The following COL12A1 variants were observed in gnomAD, a reference collection of about 807,000 sequenced individuals.
COL12A1 encodes the protein collagen alpha-1(XII) chain.
In COL12A1, 114 loss-of-function variants were observed where a neutral mutation model predicts 349.7. The observed-to-expected ratio is 0.33, with a 90% CI of 0.28 to 0.38. The LOEUF (loss-of-function observed/expected upper bound fraction) is 0.38, where lower values mean the gene tolerates loss of function less well. Among genes scored for constraint, COL12A1 ranks in the 10% least tolerant of loss-of-function variants. The pLI is 1.00. For synonymous variants in COL12A1, 1,369 were observed against 1,329.0 expected (o/e 1.03, Z -0.66); for missense variants, 3,284 against 3,756.9 (o/e 0.87, Z 3.29).
intron 2 of COL12A1, among the ~76,000 whole-genome samples, chr6:75,199,265 G>A (rs1459147888): frequency 6.6e-6 from 1 of 152,108 alleles, no homozygotes; most frequent in Non-Finnish European, 1.5e-5. Flanking sequence ...AAGTGATTCA[G>A]CCTCTCTGGG....
chr6:75,129,595 G>A (rs1011390800), intron 37 of COL12A1, among the ~76,000 whole-genome samples: 3 of 152,122 alleles, frequency 2.0e-5, no homozygotes, highest in African/African-American at 7.2e-5. Context: ...AAGCTAATAG[G>A]AGAGTATTTA....
At chr6:75,086,692 T>C (rs1196015867) in intron 65 of COL12A1, 135 bp from the exon 66 acceptor site, 1 of 350,992 alleles carries the variant, frequency 2.8e-6, no homozygotes, top group African/African-American at 2.3e-5. Context: ...TTTTAGTTAT[T>C]CTCACATCCC....
At chr6:75,185,502 A>G (rs1006713697) in intron 8 of COL12A1, among the ~76,000 whole-genome samples, 25 of 152,360 alleles carry the variant, frequency 1.6e-4, no homozygotes, top group African/African-American at 5.5e-4. Context: ...TTTCATGCTC[A>G]TAGATAGAAA....
intron 14 of COL12A1, among the ~76,000 whole-genome samples, chr6:75,157,920 A>T (rs1767840646): frequency 6.6e-6 from 1 of 152,154 alleles, no homozygotes; most frequent in African/African-American, 2.4e-5. Flanking sequence ...TGATTGTCTC[A>T]ATAATGGGGC....
At chr6:75,133,001 G>T (rs571702124) in intron 34 of COL12A1, among the ~76,000 whole-genome samples, 5 of 152,274 alleles carry the variant, frequency 3.3e-5, no homozygotes, top group African/African-American at 1.2e-4. Context: ...AAAGCAGAAA[G>T]CAAAGCTCAA....
chr6:75,184,186 G>A (rs758208912), intron 8 of COL12A1, 42 bp from the exon 9 acceptor site: 43 of 1,576,088 alleles, frequency 2.7e-5, no homozygotes, highest in Admixed American at 8.6e-5. Flanking sequence ...ACAGTGAGAT[G>A]TAACCTTACT....
chr6:75,116,120 A>C, intron 47 of COL12A1, 63 bp from the exon 48 acceptor site: 1 of 1,469,494 alleles, frequency 6.8e-7, no homozygotes. Flanking sequence ...ATATATGCAC[A>C]GAAAGTAGCA....
Position 75,091,524 on chromosome 6 carries a change from C to G in COL12A1, c.8651G>C (p.Gly2884Ala), listed in dbSNP as rs755280309. The stretch of plus-strand genomic sequence containing the variant: ...TTTTTCTCCTTTCAACCCAGATGGA[C>G]CCTGAAAAATATGAATTACATACAT... ...PGKPGDHGRPGPSGLKGEKGD... is the reference protein window; with the variant it reads ...PGKPGDHGRPAPSGLKGEKGD... The change falls in exon 61 of 66, where the codon GGT (glycine) becomes GCT (alanine). Residue 2884 changes from glycine (G) to alanine (A), a missense_variant and splice_region_variant. Transcript: ENST00000322507. 6.2e-7 allele frequency: 1 copy of G among 1,611,162 alleles called. No homozygotes were observed. The highest frequency in any genetic ancestry group is 8.5e-7 in the Non-Finnish European group (1 of 1,179,238).
chr6:75,107,405 G>A (rs12662022), intron 52 of COL12A1, among the ~76,000 whole-genome samples: 3 of 151,952 alleles, frequency 2.0e-5, no homozygotes, highest in Non-Finnish European at 4.4e-5. Context: ...CAATTAGCTG[G>A]CATTACAGGC....
rs985850564 is a variant in COL12A1 at position 75,202,864 on chromosome 6, C to T, written c.-35-37G>A. The T allele has an allele frequency of 5.7e-6, 8 of 1,413,410 alleles. No individual in the cohort carries two copies. The African/African-American group carries it at 1.0e-4, about 18-fold the overall frequency. 87.6% of individuals were successfully genotyped at this position (1,413,410 alleles called of 1,614,324 possible). A position where few individuals can be genotyped will look rare whatever the true frequency, so the allele number is the denominator to read the frequency against. On this transcript the variant is annotated intron_variant, in intron 1 of 65. Coordinates refer to ENST00000322507, the MANE Select transcript of COL12A1 (RefSeq NM_004370.6). The stretch of plus-strand genomic sequence containing the variant: ...AGTAGTGACTGCATCAGAACTGGGT[C>T]TGGGCAGGCCTTGAACCAGGTTAGA...
intron 64 of COL12A1, among the ~76,000 whole-genome samples, chr6:75,088,449 C>G (rs777304089): frequency 7.0e-6 from 1 of 143,562 alleles, no homozygotes; most frequent in Middle Eastern, 3.3e-3. Flanking sequence ...TCTTTAAAGT[C>G]TATGAGGCCA....
At chr6:75,128,231 A>G (rs988547878) in intron 38 of COL12A1, 65 bp downstream of exon 38, 2 of 1,418,972 alleles carry the variant, frequency 1.4e-6, no homozygotes, top group African/African-American at 1.5e-5. Context: ...TAAAAGGTAT[A>G]AAAGCAACAT....
Position 75,129,018 on chromosome 6 carries a change from T to C in COL12A1, c.6211-593A>G, listed in dbSNP as rs559981517. On this transcript the variant is annotated intron_variant, in intron 37 of 65. Coordinates refer to ENST00000322507, the MANE Select transcript of COL12A1 (RefSeq NM_004370.6). ...TCTCTCTTCTAAACCTATGCTTTGCTTCTACAAACAACATGGATAAGGTAT... is the reference window on the plus strand; with the variant it reads ...TCTCTCTTCTAAACCTATGCTTTGCCTCTACAAACAACATGGATAAGGTAT... 2.0e-5 allele frequency among the ~76,000 whole-genome samples: 3 copies of C among 152,356 alleles called. No homozygotes were observed. In the East Asian group the frequency reaches 5.8e-4, roughly 29 times the overall value.
In COL12A1 at chr6:75,194,847, C is replaced by T. The variant is rs1466550614; in HGVS notation, c.174G>A (p.Thr58=). The part of the protein sequence containing the change: ...PVDPIVGYRI[T]VDPTTDGPTK... Reference sequence around the variant, plus strand: ...AAAACTTACCCGTTGTAGGGTCCACCGTTATTCTGTAACCCACAATTGGAT... The same window carrying T: ...AAAACTTACCCGTTGTAGGGTCCACTGTTATTCTGTAACCCACAATTGGAT... The change falls in exon 3 of 66, where the codon ACG becomes ACA. Residue 58 remains threonine (T), a synonymous_variant. Coordinates refer to ENST00000322507, the MANE Select transcript of COL12A1 (RefSeq NM_004370.6). 6.8e-6 allele frequency: 11 copies of T among 1,609,982 alleles called. No individual in the cohort carries two copies. The highest frequency in any genetic ancestry group is 1.1e-5 in the South Asian group (1 of 90,448).
chr6:75,095,665 A>T (rs1474997139), intron 59 of COL12A1, among the ~76,000 whole-genome samples: 4 of 151,814 alleles, frequency 2.6e-5, no homozygotes, highest in Admixed American at 1.3e-4. Flanking sequence ...AACATGAAAT[A>T]AAAAACTCTT....
rs371252603 is a variant in COL12A1, at chr6:75,165,729, T to C, written c.2761A>G (p.Ile921Val). 10 of 1,613,828 alleles carry C rather than the reference T, an allele frequency of 6.2e-6. No homozygotes were observed. The highest frequency in any genetic ancestry group is 1.3e-5 in the African/African-American group (1 of 74,902). ...LVTKDITDTS[I>V]GAYWTSAPGM... ...GGAGCAGATGTCCAATAAGCCCCAA[T>C]TGATGTGTCAGTGATGTCTTTAGTA... Residue 921 changes from isoleucine to valine, a missense_variant, in exon 14 of 66, where the codon ATT becomes GTT. Transcript: ENST00000322507.
intron 2 of COL12A1, 41 bp downstream of exon 2, chr6:75,202,679 T>C (rs1770591731): frequency 1.3e-6 from 2 of 1,532,784 alleles, no homozygotes; most frequent in Non-Finnish European, 1.8e-6. Flanking sequence ...CTTTCTCGAA[T>C]TTTGCATTGT....
In COL12A1 at chr6:75,183,518, T is replaced by C; in HGVS notation, c.1423A>G (p.Asn475Asp). 6.2e-7 allele frequency: 1 copy of C among 1,614,186 alleles called. No homozygotes were observed. Among genetic ancestry groups the C allele is most frequent in the East Asian group, 2.2e-5 (1 of 44,880 alleles). The change falls in exon 10 of 66, where the codon AAT becomes GAT. Residue 475 changes from asparagine to aspartate, a missense_variant. This residue lies in a region of COL12A1 where 2,601 missense variants were observed against 2,824.8 expected (regional missense o/e 0.92). Transcript: ENST00000322507. ...TGCACAAGACTAATCTGGACCCTAT[T>C]TGGTGAAATTTCAAAACTTTTTACA... The part of the protein sequence containing the change: ...VLVKSFEISP[N>D]RVQISLVQYS...
intron 59 of COL12A1, among the ~76,000 whole-genome samples, chr6:75,096,668 C>A (rs56091378): frequency 1.3e-5 from 2 of 151,938 alleles, no homozygotes; most frequent in Non-Finnish European, 2.9e-5. Context: ...AGGCCGAGGC[C>A]GGCAGATCAC....
Sources: allele counts gnomAD v4.1 joint callset (sites outside exome capture counted in the v4.1 genomes callset), GRCh38; gene constraint gnomAD v4.1.1; regional missense constraint gnomAD v4.1.1; transcripts MANE v1.5; gene names NCBI Gene and HGNC (gene_info 2026-07-23, HGNC 2026-07-21).